The following CAPN14 variants were observed in gnomAD, a reference collection of about 807,000 sequenced individuals.
The protein encoded by CAPN14 is calpain-14.
CAPN14 carries 94 observed loss-of-function variants against 101.3 expected under a neutral mutation model. The ratio of observed to expected loss-of-function variants is 0.93; its 90% confidence interval spans 0.79 to 1.10. The LOEUF (loss-of-function observed/expected upper bound fraction) is 1.10. Ranked by LOEUF, CAPN14 falls within the 50% of genes least tolerant of loss-of-function variation. The pLI is 0.00. For missense variants in CAPN14, 837 were observed against 828.4 expected, an observed-to-expected ratio of 1.01 and a Z score of -0.13; for synonymous variants, 338 against 317.9, an observed-to-expected ratio of 1.06 and a Z score of -0.67.
At chr2:31,200,659 A>C in intron 5 of CAPN14, 34 bp from the exon 6 acceptor site, 1 of 1,506,886 alleles carries the variant, frequency 6.6e-7, no homozygotes, top group Non-Finnish European at 8.9e-7. Context: ...GAGAGGAAAA[A>C]AGTATCATGA....
At chr2:31,190,173 C>CTCTCT (rs1553392891) in intron 12 of CAPN14, among the ~76,000 whole-genome samples, 1 of 151,316 alleles carries the variant, frequency 6.6e-6, no homozygotes, top group African/African-American at 2.4e-5. Flanking sequence ...CTCTCTGCCT[C>CTCTCT]CTTTGTTTCT....
chr2:31,188,308 G>A lies in CAPN14; in HGVS notation c.1530+10C>T. On this transcript the variant is annotated intron_variant, in intron 14 of 21. Transcript: ENST00000403897. ...GTCCCAGCCATATGGAATTCCACCA[G>A]ACTACTCACCTTTGAGAAGACGACA... is the stretch of plus-strand genomic sequence containing the variant. The A allele has an allele frequency of 6.4e-7, 1 of 1,550,998 alleles. No individual in the cohort carries two copies. The highest frequency in any genetic ancestry group is 1.7e-4 in the Middle Eastern group (1 of 5,992).
Position 31,176,995 on chromosome 2 carries a change from C to T in CAPN14, c.1972+31G>A, listed in dbSNP as rs138552245. 4.8e-3 allele frequency: 7,028 copies of T among 1,471,912 alleles called. 26 individuals are homozygous for T. The highest frequency in any genetic ancestry group is 5.7e-3 in the Non-Finnish European group (6,121 of 1,075,826). 91.2% of individuals were successfully genotyped at this position (1,471,912 alleles called of 1,614,324 possible). The stretch of plus-strand genomic sequence containing the variant: ...GAAGTCATGGGGCAGCAGAGGAAGA[C>T]CTGGCCCTCCCCAGCTTCCCGCCAG... On this transcript the variant is annotated intron_variant, in intron 20 of 21. Coordinates refer to ENST00000403897, the MANE Select transcript of CAPN14 (RefSeq NM_001145122.2).
At position 31,230,937 on chromosome 2, in the gene CAPN14, A is replaced by G. The variant is rs539255023; in HGVS notation, c.-177+2854T>C. Among the ~76,000 whole-genome samples, 18 of 152,272 alleles carry G rather than the reference A, an allele frequency of 1.2e-4. 1 individual carries two copies. The highest frequency in any genetic ancestry group is 4.1e-4 in the South Asian group (2 of 4,822). The stretch of plus-strand genomic sequence containing the variant: ...ATGCAATCTCTATTGCAACTTCTGT[A>G]TATGTCAGGCTTCCAAATTTCCTGG... On this transcript the variant is annotated intron_variant and NMD_transcript_variant, in intron 1 of 21. Coordinates refer to the CAPN14 transcript ENST00000398824. The surrounding 1 kb of genome is among the most constrained non-coding windows in gnomAD (Gnocchi z 4.3).
At chr2:31,231,119 G>A (rs1352727794) in intron 1 of CAPN14, among the ~76,000 whole-genome samples, 1 of 151,530 alleles carries the variant, frequency 6.6e-6, no homozygotes, top group Non-Finnish European at 1.5e-5. Flanking sequence ...TCCTTTTTCT[G>A]CCCTCCTTCC....
chr2:31,213,792 A>T (rs1445791353), intron 1 of CAPN14, among the ~76,000 whole-genome samples: 1 of 152,222 alleles, frequency 6.6e-6, no homozygotes, highest in Non-Finnish European at 1.5e-5. Flanking sequence ...TGATAACATC[A>T]GACATTCCTG....
intron 1 of CAPN14, among the ~76,000 whole-genome samples, chr2:31,209,456 C>T (rs540975672): frequency 2.0e-4 from 30 of 152,176 alleles, no homozygotes; most frequent in African/African-American, 5.1e-4. Context: ...GAGGAGGAGG[C>T]CTTTGAACGC....
At position 31,202,050 on chromosome 2, in the gene CAPN14, C is replaced by G. The variant is rs529244918; in HGVS notation, c.415-52G>C. ...AATGAGGACTGCTGCAGATGGTGAT[C>G]AGCCCAGAAGGTGAAGACATGGTCC... On this transcript the variant is annotated intron_variant, in intron 4 of 21. Coordinates refer to ENST00000403897, the MANE Select transcript of CAPN14 (RefSeq NM_001145122.2). 1.2e-4 allele frequency: 193 copies of G among 1,550,070 alleles called. 3 individuals carry two copies. The South Asian group carries it at 2.1e-3, about 17-fold the overall frequency.
chr2:31,181,320 G>C (rs2148673270), intron 16 of CAPN14, among the ~76,000 whole-genome samples: 1 of 152,084 alleles, frequency 6.6e-6, no homozygotes, highest in South Asian at 2.1e-4. Flanking sequence ...GATCCAAGAG[G>C]TCAACTTGTT....
intron 15 of CAPN14, 81 bp downstream of exon 15, chr2:31,187,677 G>T (rs1020964567): frequency 1.6e-6 from 2 of 1,263,114 alleles, no homozygotes; most frequent in African/African-American, 3.0e-5. Flanking sequence ...TCAAGCAGGT[G>T]CAAACCTATA....
chr2:31,200,336 G>A, intron 6 of CAPN14, 115 bp downstream of exon 6: 1 of 926,888 alleles, frequency 1.1e-6, no homozygotes, highest in Non-Finnish European at 1.6e-6. Flanking sequence ...CAGGACCTCA[G>A]CACTAGGAGC....
At chr2:31,188,474 A>C in intron 13 of CAPN14, 120 bp from the exon 14 acceptor site, 2 of 818,826 alleles carry the variant, frequency 2.4e-6, no homozygotes, top group Middle Eastern at 4.3e-4. Context: ...ACAAGGGCCC[A>C]CCCAGCTCTC....
chr2:31,189,310 A>C lies in CAPN14; in HGVS notation c.1456T>G (p.Phe486Val). 4 of 1,551,618 alleles carry C rather than the reference A, an allele frequency of 2.6e-6. No individual in the cohort carries two copies. Among genetic ancestry groups the C allele is most frequent in the Non-Finnish European group, 3.5e-6 (4 of 1,147,000 alleles). The change falls in exon 13 of 22, where the codon TTC (phenylalanine) becomes GTC (valine). Residue 486 changes from phenylalanine to valine, a missense_variant. Transcript: ENST00000403897. ...TTCCTGGAGAAGACCCTGAGGACGAACTCTGACTTCTGGTGGGCCTCCAAT... is the reference window on the plus strand; with the variant it reads ...TTCCTGGAGAAGACCCTGAGGACGACCTCTGACTTCTGGTGGGCCTCCAAT... ...CILEAHQKSEFVLRVFSRKHI... is the reference protein window; with the variant it reads ...CILEAHQKSEVVLRVFSRKHI...
intron 16 of CAPN14, 85 bp from the exon 17 acceptor site, chr2:31,181,085 G>A: frequency 9.3e-7 from 1 of 1,072,710 alleles, no homozygotes. Context: ...AGTGCTGCAT[G>A]GGCCAGCTGA....
chr2:31,216,011 T>A (rs1325339572), intron 1 of CAPN14, among the ~76,000 whole-genome samples: 1 of 151,862 alleles, frequency 6.6e-6, no homozygotes, highest in Non-Finnish European at 1.5e-5. Context: ...ATGCAAAATA[T>A]CCCCAAATGA....
chr2:31,215,130 C>A (rs1236053236), intron 1 of CAPN14, among the ~76,000 whole-genome samples: 2 of 152,232 alleles, frequency 1.3e-5, no homozygotes, highest in Non-Finnish European at 2.9e-5. Context: ...GAGTCATCCC[C>A]TACTCTTCTT....
chr2:31,174,385 CAG>C lies in CAPN14; in HGVS notation c.*294_*295del. 1 of 535,224 alleles carries C rather than the reference CAG, an allele frequency of 1.9e-6. No individual in the cohort carries two copies. The highest frequency in any genetic ancestry group is 3.3e-6 in the Non-Finnish European group (1 of 298,662). 33.2% of individuals were successfully genotyped at this position (535,224 alleles called of 1,614,324 possible). ...AGGCTAACCACACCAGCTCTGGAGTCAGAATGCTTAGGCCATGTCAGGTAACA... is the reference window on the plus strand; with the variant it reads ...AGGCTAACCACACCAGCTCTGGAGTCAATGCTTAGGCCATGTCAGGTAACA... On this transcript the variant is annotated 3_prime_UTR_variant, in exon 22 of 22. Transcript: ENST00000403897.
At chr2:31,176,684 T>C (rs1040464447) in intron 20 of CAPN14, 42 bp from the exon 21 acceptor site, 25 of 1,482,870 alleles carry the variant, frequency 1.7e-5, no homozygotes, top group South Asian at 4.8e-5. Context: ...AATGTGTCTA[T>C]TGGAAACATT....
intron 16 of CAPN14, among the ~76,000 whole-genome samples, chr2:31,182,076 T>C (rs1415114058): frequency 1.3e-5 from 2 of 152,176 alleles, no homozygotes; most frequent in Non-Finnish European, 2.9e-5. Context: ...TTTCTAGTTC[T>C]AGATCCCCGA....
Sources: gnomAD v4.1 joint callset for allele counts (sites outside exome capture counted in the v4.1 genomes callset) on GRCh38, gnomAD v4.1.1 for gene constraint, Gnocchi (gnomAD v3.1) non-coding constraint, MANE v1.5 for transcripts, NCBI Gene and HGNC (gene_info 2026-07-23, HGNC 2026-07-21) for gene names.